Variants in ATF7IP2 observed in about 807,000 individuals in gnomAD.
ATF7IP2 encodes the protein activating transcription factor 7 interacting protein 2.
ATF7IP2 carries 42 observed loss-of-function variants against 64.2 expected under a neutral mutation model. The ratio of observed to expected loss-of-function variants is 0.65; its 90% CI spans 0.51 to 0.85. ATF7IP2 has a LOEUF of 0.85. Ranked by LOEUF, ATF7IP2 falls within the 40% of genes least tolerant of loss-of-function variation. The pLI is 0.00. For missense variants in ATF7IP2, 933 were observed against 784.2 expected (o/e 1.19, Z -2.27); for synonymous variants, 308 against 272.8 (o/e 1.13, Z -1.27).
Position 10,483,009 on chromosome 16 carries a change from T to C in ATF7IP2, c.*760T>C, listed in dbSNP as rs2050292733. On this transcript the variant is annotated 3_prime_UTR_variant, in exon 14 of 14. Transcript: ENST00000562102. ...GATTATAGGCGTAAGCCACCATGCC[T>C]GGCCAAAAATTAAAAGATTTTATGA... The C allele has an allele frequency of 6.6e-6, 1 of 152,214 alleles. No homozygotes were observed. The highest frequency in any genetic ancestry group is 6.5e-5 in the Admixed American group (1 of 15,278). The allele number at this position is 152,214 out of a possible 1,614,324, so 9.4% of individuals were successfully genotyped here.
chr16:10,396,602 A>G (rs2047423676), intron 1 of ATF7IP2, among the ~76,000 whole-genome samples: 1 of 151,950 alleles, frequency 6.6e-6, no homozygotes, highest in African/African-American at 2.4e-5. Context: ...TGCTCACTGC[A>G]GCGTCTGCCT....
chr16:10,419,581 GTTTTC>G lies in ATF7IP2; in HGVS notation c.-199_-195del, dbSNP rs932994799. On this transcript the variant is annotated splice_region_variant and 5_prime_UTR_variant, in exon 3 of 14. Coordinates refer to ENST00000562102, the MANE Select transcript of ATF7IP2 (RefSeq NM_001393719.1). Reference sequence around the variant, plus strand: ...TGATTGGTTGTTCCGCTTTCCTCAGGTTTTCTTCCGCCGTCTGTGACAGCTTCTTG... The same window carrying G: ...TGATTGGTTGTTCCGCTTTCCTCAGGTTCCGCCGTCTGTGACAGCTTCTTG... 5.2e-5 allele frequency: 8 copies of G among 153,308 alleles called. No individual in the cohort carries two copies. Among genetic ancestry groups the G allele is most frequent in the African/African-American group, 1.9e-4 (8 of 41,450 alleles). 9.5% of individuals were successfully genotyped at this position (153,308 alleles called of 1,614,324 possible).
intron 2 of ATF7IP2, among the ~76,000 whole-genome samples, chr16:10,418,855 G>A (rs1457315478): frequency 6.6e-6 from 1 of 152,276 alleles, no homozygotes; most frequent in East Asian, 1.9e-4. Context: ...CCACTATACT[G>A]CCGTGTTTCC....
intron 8 of ATF7IP2, among the ~76,000 whole-genome samples, chr16:10,453,829 C>A (rs1052429825): frequency 6.6e-6 from 1 of 152,086 alleles, no homozygotes; most frequent in South Asian, 2.1e-4. Flanking sequence ...GTTGGTCAGG[C>A]TGGTCTTGAA....
chr16:10,450,658 A>G (rs1215695215), intron 8 of ATF7IP2, among the ~76,000 whole-genome samples: 2 of 148,846 alleles, frequency 1.3e-5, no homozygotes, highest in East Asian at 3.9e-4. Flanking sequence ...TTTGTTTTCC[A>G]TTTGCTTGGT....
intron 6 of ATF7IP2, among the ~76,000 whole-genome samples, chr16:10,437,605 GTGAC>G (rs1399674845): frequency 1.3e-5 from 2 of 152,090 alleles, no homozygotes; most frequent in Admixed American, 6.6e-5. Context: ...CAAAAATAAT[GTGAC>G]TGACTAAAGG....
At chr16:10,431,990 A>ATTTTTTTTTTT (rs34029007) in intron 5 of ATF7IP2, among the ~76,000 whole-genome samples, 7 of 111,604 alleles carry the variant, frequency 6.3e-5, no homozygotes, top group Admixed American at 1.0e-4. Context: ...CGCCCGGCTA[A>ATTTTTTTTTTT]TTTTTTTTTT....
chr16:10,478,930 G>A (rs1332261028), intron 12 of ATF7IP2, among the ~76,000 whole-genome samples: 10 of 152,124 alleles, frequency 6.6e-5, no homozygotes, highest in African/African-American at 2.4e-4. Flanking sequence ...TCAGAGGAAT[G>A]CAAATCAAAA....
At chr16:10,444,150 T>C (rs1267233842) in intron 8 of ATF7IP2, among the ~76,000 whole-genome samples, 1 of 152,184 alleles carries the variant, frequency 6.6e-6, no homozygotes, top group African/African-American at 2.4e-5. Context: ...TGTAATTGTT[T>C]GAGGAAACGA....
At chr16:10,471,105 T>C (rs2049783158) in intron 9 of ATF7IP2, among the ~76,000 whole-genome samples, 1 of 152,154 alleles carries the variant, frequency 6.6e-6, no homozygotes, top group Admixed American at 6.5e-5. Flanking sequence ...GATGTTCTTT[T>C]CAAAAATGTT....
At chr16:10,412,415 C>T (rs2047789612) in intron 1 of ATF7IP2, among the ~76,000 whole-genome samples, 1 of 152,078 alleles carries the variant, frequency 6.6e-6, no homozygotes, top group African/African-American at 2.4e-5. Context: ...TAATTTCCAT[C>T]TTGATTTCAT....
chr16:10,458,819 T>C (rs753198044), intron 9 of ATF7IP2, among the ~76,000 whole-genome samples: 2 of 152,196 alleles, frequency 1.3e-5, no homozygotes, highest in Non-Finnish European at 1.5e-5. Flanking sequence ...CTAAACAAGA[T>C]AACTAGTAAA....
intron 12 of ATF7IP2, among the ~76,000 whole-genome samples, chr16:10,477,228 A>C (rs958047302): frequency 6.6e-6 from 1 of 152,256 alleles, no homozygotes; most frequent in Non-Finnish European, 1.5e-5. Flanking sequence ...TCTACAAGGA[A>C]CTTAAGCAAA....
chr16:10,397,218 G>C (rs912803033), intron 1 of ATF7IP2, among the ~76,000 whole-genome samples: 7 of 152,032 alleles, frequency 4.6e-5, no homozygotes, highest in African/African-American at 7.2e-5. Flanking sequence ...GTACTGTTTT[G>C]TTTACTGTAG....
At position 10,433,949 on chromosome 16, in the gene ATF7IP2, C is replaced by T. The variant is rs753582134; in HGVS notation, c.960+300C>T. 2.0e-4 allele frequency among the ~76,000 whole-genome samples: 30 copies of T among 152,170 alleles called. 1 individual carries two copies. Among genetic ancestry groups the T allele is most frequent in the Admixed American group, 8.5e-4 (13 of 15,278 alleles). ...ATTACACTCATATTTGTCTGTAAGT[C>T]AGACACTGCATGACCTTCAGCTTTA... is the stretch of plus-strand genomic sequence containing the variant. On this transcript the variant is annotated intron_variant, in intron 6 of 13. Coordinates refer to ENST00000562102, the MANE Select transcript of ATF7IP2 (RefSeq NM_001393719.1).
chr16:10,444,309 C>CT (rs2048730669), intron 8 of ATF7IP2, among the ~76,000 whole-genome samples: 1 of 151,962 alleles, frequency 6.6e-6, no homozygotes, highest in Non-Finnish European at 1.5e-5. Flanking sequence ...GGGGTCATGC[C>CT]TTTTTCACCT....
At chr16:10,429,631 G>A (rs940019284) in intron 4 of ATF7IP2, among the ~76,000 whole-genome samples, 3 of 152,044 alleles carry the variant, frequency 2.0e-5, no homozygotes, top group African/African-American at 7.2e-5. Flanking sequence ...TTACAGGCGT[G>A]AGCCACCCTA....
rs1018110947 is a variant in ATF7IP2 at position 10,476,667 on chromosome 16, C to G, written c.1549+2678C>G. Among the ~76,000 whole-genome samples, 74 of 152,130 alleles carry G rather than the reference C, an allele frequency of 4.9e-4. 2 individuals carry two copies. The highest frequency in any genetic ancestry group is 3.7e-3 in the Admixed American group (57 of 15,262). On this transcript the variant is annotated intron_variant, in intron 12 of 13. Transcript: ENST00000562102. ...GATGTTCTCTCCACCCCCTGCCCCT[C>G]CCCCAACAGGCCTAGTGTGTGTTGT... is the stretch of plus-strand genomic sequence containing the variant.
rs1469246960 is a variant in ATF7IP2 at position 10,431,042 on chromosome 16, C to G, written c.422C>G (p.Ser141Cys). Reference sequence around the variant, plus strand: ...GAGGCAAAAGATTCACTGAACACTTCTGAAAACGATTCTGAGCATCAGACA... The same window carrying G: ...GAGGCAAAAGATTCACTGAACACTTGTGAAAACGATTCTGAGCATCAGACA... ...TEEAKDSLNT[S>C]ENDSEHQTNV... Residue 141 changes from serine to cysteine, a missense_variant, in exon 5 of 14, where the codon TCT becomes TGT. Coordinates refer to ENST00000562102, the MANE Select transcript of ATF7IP2 (RefSeq NM_001393719.1). 3 of 1,614,180 alleles carry G rather than the reference C, an allele frequency of 1.9e-6. No individual in the cohort carries two copies. The highest frequency in any genetic ancestry group is 2.5e-6 in the Non-Finnish European group (3 of 1,180,042).
Sources: gnomAD v4.1 joint callset for allele counts (sites outside exome capture counted in the v4.1 genomes callset) on GRCh38, gnomAD v4.1.1 for gene constraint, MANE v1.5 for transcripts, NCBI Gene and HGNC (gene_info 2026-07-23, HGNC 2026-07-21) for gene names.